Variants in SLC24A2 observed in about 807,000 individuals in gnomAD.
SLC24A2 encodes sodium/potassium/calcium exchanger 2.
SLC24A2 carries 36 observed loss-of-function variants against 62.0 expected under a neutral mutation model. That is an observed-to-expected ratio of 0.58 (90% CI 0.44 to 0.77). The LOEUF (loss-of-function observed/expected upper bound fraction) is 0.77, where lower values mean the gene tolerates loss of function less well. Among genes scored for constraint, SLC24A2 ranks in the 30% least tolerant of loss-of-function variants. SLC24A2 has a pLI of 0.00. For missense variants in SLC24A2, 846 were observed against 817.9 expected, an observed-to-expected ratio of 1.03 and a Z score of -0.42; for synonymous variants, 358 against 294.0, an observed-to-expected ratio of 1.22 and a Z score of -2.23.
At chr9:19,640,568 TA>T (rs5896852) in intron 2 of SLC24A2, among the ~76,000 whole-genome samples, 9,552 of 152,228 alleles carry the variant, frequency 0.063, 783 homozygotes, top group African/African-American at 0.19. Context: ...TTTAAGGCAG[TA>T]CCAAAAAACT....
At chr9:19,973,489 A>C in the SLC24A2 span, among the ~76,000 whole-genome samples, 1 of 152,368 alleles carries the variant, frequency 6.6e-6, no homozygotes, top group South Asian at 2.1e-4. Flanking sequence ...TACAGCAAGG[A>C]GTAGTAGATA....
the SLC24A2 span, among the ~76,000 whole-genome samples, chr9:20,169,769 GTTCT>G: frequency 6.6e-6 from 1 of 151,884 alleles, no homozygotes; most frequent in South Asian, 2.1e-4. Flanking sequence ...ACAAAACAAA[GTTCT>G]TTGACACCCC....
chr9:20,024,984 A>G, the SLC24A2 span, among the ~76,000 whole-genome samples: 1 of 152,290 alleles, frequency 6.6e-6, no homozygotes, highest in South Asian at 2.1e-4. Flanking sequence ...TCCCTAGACC[A>G]CCAGGCCAGT....
At chr9:20,038,962 A>G in the SLC24A2 span, among the ~76,000 whole-genome samples, 159 of 152,360 alleles carry the variant, frequency 1.0e-3, 1 homozygote, top group South Asian at 7.5e-3. Context: ...TTTTTAAGTA[A>G]GAAAATGGAT....
chr9:20,275,888 T>G, the SLC24A2 span, among the ~76,000 whole-genome samples: 1 of 152,046 alleles, frequency 6.6e-6, no homozygotes, highest in Non-Finnish European at 1.5e-5. Flanking sequence ...TACAAAACTC[T>G]CAGGTCTCGC....
At chr9:20,098,074 G>C in the SLC24A2 span, among the ~76,000 whole-genome samples, 18 of 152,064 alleles carry the variant, frequency 1.2e-4, no homozygotes, top group Non-Finnish European at 1.6e-4. Flanking sequence ...GATGGTACCA[G>C]GTATAAAGTA....
intron 9 of SLC24A2, among the ~76,000 whole-genome samples, chr9:19,527,395 A>G (rs778483252): frequency 2.6e-5 from 4 of 152,200 alleles, no homozygotes; most frequent in South Asian, 4.1e-4. Context: ...GAACCTATGT[A>G]TAGGGTTACT....
At chr9:19,857,264 A>G in the SLC24A2 span, among the ~76,000 whole-genome samples, 199 of 152,274 alleles carry the variant, frequency 1.3e-3, 2 homozygotes, top group African/African-American at 4.6e-3. Context: ...ATCTCCTATT[A>G]CTGACTTTGA....
the SLC24A2 span, among the ~76,000 whole-genome samples, chr9:20,079,473 T>C: frequency 6.6e-6 from 1 of 152,344 alleles, no homozygotes; most frequent in East Asian, 1.9e-4. Flanking sequence ...GAAATACTAT[T>C]TTGTTTTCCC....
chr9:19,538,813 G>A (rs1265228662), intron 8 of SLC24A2, among the ~76,000 whole-genome samples: 2 of 108,842 alleles, frequency 1.8e-5, no homozygotes, highest in African/African-American at 7.3e-5. Flanking sequence ...GGTAGAATTC[G>A]GCTGTGAATC....
intron 8 of SLC24A2, among the ~76,000 whole-genome samples, chr9:19,531,157 C>A (rs1034078180): frequency 1.9e-4 from 29 of 152,332 alleles, no homozygotes; most frequent in African/African-American, 6.5e-4. Flanking sequence ...ACGTTTCATT[C>A]ATCAGCAGTT....
chr9:19,819,817 G>A, the SLC24A2 span, among the ~76,000 whole-genome samples: 1 of 151,506 alleles, frequency 6.6e-6, no homozygotes, highest in Non-Finnish European at 1.5e-5. Context: ...AGAACTAAAA[G>A]TAGAACTACC....
intron 2 of SLC24A2, among the ~76,000 whole-genome samples, chr9:19,646,561 T>C (rs1818642840): frequency 6.6e-6 from 1 of 152,114 alleles, no homozygotes; most frequent in African/African-American, 2.4e-5. Context: ...AGGCCTCAAA[T>C]TGGGTGGGAA....
intron 10 of SLC24A2, among the ~76,000 whole-genome samples, chr9:19,518,652 C>T (rs1490935117): frequency 6.6e-6 from 1 of 152,088 alleles, no homozygotes; most frequent in Non-Finnish European, 1.5e-5. Context: ...AATCTCTTGA[C>T]CTTGTGATCC....
the SLC24A2 span, among the ~76,000 whole-genome samples, chr9:19,880,890 T>G: frequency 6.6e-6 from 1 of 152,132 alleles, no homozygotes; most frequent in Non-Finnish European, 1.5e-5. Context: ...CAAGGAGGTG[T>G]GTTGTGTAGT....
chr9:19,668,224 T>G (rs974796966), intron 2 of SLC24A2, among the ~76,000 whole-genome samples: 1 of 152,182 alleles, frequency 6.6e-6, no homozygotes, highest in Non-Finnish European at 1.5e-5. Flanking sequence ...TATATTTTAT[T>G]TTGCGATCCC....
At chr9:19,685,938 G>C (rs1415225915) in intron 2 of SLC24A2, among the ~76,000 whole-genome samples, 1 of 151,670 alleles carries the variant, frequency 6.6e-6, no homozygotes, top group African/African-American at 2.4e-5. Flanking sequence ...TTAAACTAAA[G>C]AGTTTCTGCA....
chr9:19,970,168 GCTCCTT>G, the SLC24A2 span, among the ~76,000 whole-genome samples: 1 of 152,306 alleles, frequency 6.6e-6, no homozygotes, highest in East Asian at 1.9e-4. Context: ...TGACCAGGTA[GCTCCTT>G]TATTGCAAGG....
At chr9:20,275,145 G>C in the SLC24A2 span, among the ~76,000 whole-genome samples, 3 of 152,096 alleles carry the variant, frequency 2.0e-5, no homozygotes, top group Non-Finnish European at 4.4e-5. Flanking sequence ...ACAGCAAGAA[G>C]TTCTCAGCAG....
Sources: allele counts gnomAD v4.1 joint callset (sites outside exome capture counted in the v4.1 genomes callset), GRCh38; gene constraint gnomAD v4.1.1; transcripts MANE v1.5; gene names NCBI Gene and HGNC (gene_info 2026-07-23, HGNC 2026-07-21).